Variants in LCORL observed in about 807,000 individuals in gnomAD.
LCORL encodes the protein ligand dependent nuclear receptor corepressor like.
A neutral mutation model predicts 141.8 loss-of-function variants in LCORL; 41 were observed. That is an observed-to-expected ratio of 0.29 (90% CI 0.23 to 0.38). The LOEUF (loss-of-function observed/expected upper bound fraction) is 0.38, where lower values mean the gene tolerates loss of function less well. Ranked by LOEUF, LCORL falls within the 10% of genes least tolerant of loss-of-function variation. LCORL has a pLI of 1.00. For synonymous variants in LCORL, 618 were observed against 694.1 expected (o/e 0.89, Z 1.72); for missense variants, 1,759 against 2,035.0 (o/e 0.86, Z 2.61).
At chr4:17,877,819 C>A (rs1727079697) in exon 7 of LCORL, 1 of 1,230,696 alleles carries the variant, frequency 8.1e-7, no homozygotes, top group Admixed American at 4.2e-5. Flanking sequence ...TTATAACTGT[C>A]TGCAATTCCT....
intron 4 of LCORL, among the ~76,000 whole-genome samples, chr4:17,944,299 A>G (rs1342875442): frequency 1.3e-5 from 2 of 152,174 alleles, no homozygotes; most frequent in African/African-American, 4.8e-5. Context: ...GGTCTTACTC[A>G]TTCAATCTTC....
In LCORL at chr4:18,001,929, A is replaced by G. The variant is rs1358098814; in HGVS notation, c.154+19669T>C. ...TACATATATGGAAATAGACAGTCCT[A>G]TACACACATCTATATATCTATGTTT... On this transcript the variant is annotated intron_variant, in intron 1 of 7. Coordinates refer to ENST00000635767, the Ensembl canonical transcript of LCORL. Among the ~76,000 whole-genome samples the G allele has an allele frequency of 2.1e-4, 32 of 152,184 alleles. 1 individual carries two copies. The highest frequency in any genetic ancestry group is 2.1e-3 in the Admixed American group (32 of 15,276).
intron 1 of LCORL, among the ~76,000 whole-genome samples, chr4:17,973,840 T>C (rs1224174970): frequency 6.6e-6 from 1 of 152,020 alleles, no homozygotes; most frequent in Non-Finnish European, 1.5e-5. Flanking sequence ...GAATCTACTG[T>C]CATAGTAAAA....
At chr4:17,874,042 G>A in exon 7 of LCORL, 1 of 1,234,060 alleles carries the variant, frequency 8.1e-7, no homozygotes, top group East Asian at 3.2e-5. Context: ...TTTCCTTGGA[G>A]TGGGATGTCA....
intron 4 of LCORL, among the ~76,000 whole-genome samples, chr4:17,939,162 G>A (rs1737391899): frequency 6.6e-6 from 1 of 152,180 alleles, no homozygotes; most frequent in Non-Finnish European, 1.5e-5. Context: ...TGAATTGTCT[G>A]TAAGAACGTG....
intron 7 of LCORL, among the ~76,000 whole-genome samples, chr4:17,859,153 A>C (rs1724702333): frequency 6.6e-6 from 1 of 152,204 alleles, no homozygotes; most frequent in Admixed American, 6.5e-5. Context: ...CGTAAGTTAC[A>C]TGAGATAGTC....
At chr4:17,961,837 G>C in intron 4 of LCORL, 66 bp downstream of exon 4, 1 of 1,435,680 alleles carries the variant, frequency 7.0e-7, no homozygotes, top group Admixed American at 2.1e-5. Context: ...AAACTTTTGT[G>C]TAAAAAAATT....
chr4:18,013,879 T>C (rs1724207943), intron 1 of LCORL, among the ~76,000 whole-genome samples: 1 of 151,844 alleles, frequency 6.6e-6, no homozygotes, highest in Non-Finnish European at 1.5e-5. Context: ...CATGATCTCA[T>C]GCACTGCAAC....
At chr4:18,020,969 CGAGCGCGAGAGGGCA>C (rs887677581) in intron 1 of LCORL, among the ~76,000 whole-genome samples, 1 of 152,170 alleles carries the variant, frequency 6.6e-6, no homozygotes, top group Admixed American at 6.5e-5. Flanking sequence ...GCGCCGCCGC[CGAGCGCGAGAGGGCA>C]GAGTTGGGCG....
At chr4:17,890,042 G>A (rs1476106328) in intron 5 of LCORL, among the ~76,000 whole-genome samples, 1 of 151,996 alleles carries the variant, frequency 6.6e-6, no homozygotes, top group East Asian at 1.9e-4. Context: ...ATTCTCTGCA[G>A]TCTATCTTAT....
chr4:17,937,842 T>C (rs1234905157), intron 4 of LCORL, among the ~76,000 whole-genome samples: 1 of 152,168 alleles, frequency 6.6e-6, no homozygotes, highest in Non-Finnish European at 1.5e-5. Context: ...TGGTCTACTT[T>C]CATATCTAGC....
chr4:17,955,106 G>A (rs1011449967), intron 4 of LCORL, among the ~76,000 whole-genome samples: 9 of 152,046 alleles, frequency 5.9e-5, no homozygotes, highest in South Asian at 2.1e-4. Flanking sequence ...TAACTCTTAC[G>A]GCTCTTCAAC....
intron 4 of LCORL, among the ~76,000 whole-genome samples, chr4:17,955,179 G>C (rs766574704): frequency 5.9e-5 from 9 of 151,534 alleles, no homozygotes; most frequent in Non-Finnish European, 1.2e-4. Context: ...CTGTGAGAAA[G>C]GCAAAAAAAA....
At chr4:17,903,618 G>A (rs1198803544) in intron 5 of LCORL, among the ~76,000 whole-genome samples, 1 of 152,030 alleles carries the variant, frequency 6.6e-6, no homozygotes, top group Non-Finnish European at 1.5e-5. Flanking sequence ...ACTTTCTGAG[G>A]CTCAGAGTAT....
intron 7 of LCORL, among the ~76,000 whole-genome samples, chr4:17,862,437 G>A (rs1725123629): frequency 6.6e-6 from 1 of 152,092 alleles, no homozygotes; most frequent in African/African-American, 2.4e-5. Context: ...ACAACACGTG[G>A]GAATTCAAGA....
chr4:17,842,685 A>G lies in LCORL; in HGVS notation c.*3203T>C. On this transcript the variant is annotated 3_prime_UTR_variant, in exon 8 of 8. Transcript: ENST00000635767. ...AGTTAGCAAACTCTTGATTTTGATA[A>G]TATTTGGGTTCTCTACACTTACATA... The G allele has an allele frequency of 1.4e-5, 4 of 276,026 alleles. No individual in the cohort carries two copies. In the East Asian group the frequency reaches 3.3e-4, roughly 23 times the overall value. The allele number at this position is 276,026 out of a possible 1,614,324, so 17.1% of individuals were successfully genotyped here.
In LCORL at chr4:17,895,662, C is replaced by T. The variant is rs2109270594; in HGVS notation, c.683-9501G>A. Among the ~76,000 whole-genome samples, 3 of 152,268 alleles carry T rather than the reference C, an allele frequency of 2.0e-5. No homozygotes were observed. The South Asian group carries it at 6.2e-4, about 32-fold the overall frequency. On this transcript the variant is annotated intron_variant, in intron 5 of 7. Coordinates refer to ENST00000635767, the Ensembl canonical transcript of LCORL. ...CATCACAATTTTAGAATATTTTCTC[C>T]ACCCTAGAAAGAAATCCTGCACCCT...
chr4:17,988,522 C>G (rs554659288), intron 1 of LCORL, among the ~76,000 whole-genome samples: 2 of 152,160 alleles, frequency 1.3e-5, no homozygotes, highest in African/African-American at 4.8e-5. Context: ...CATTCATCTG[C>G]TCATCTACTC....
intron 5 of LCORL, among the ~76,000 whole-genome samples, chr4:17,901,234 A>G (rs532775706): frequency 6.6e-6 from 1 of 152,210 alleles, no homozygotes; most frequent in Non-Finnish European, 1.5e-5. Flanking sequence ...AAACAGGGAG[A>G]GAAAGAGTGA....
Sources: gnomAD v4.1 joint callset for allele counts (sites outside exome capture counted in the v4.1 genomes callset) on GRCh38, gnomAD v4.1.1 for gene constraint, MANE v1.5 for transcripts, NCBI Gene and HGNC (gene_info 2026-07-23, HGNC 2026-07-21) for gene names.